The following EPHA4 variants were observed in gnomAD, a reference collection of about 807,000 sequenced individuals.
EPHA4 encodes the protein ephrin type-A receptor 4.
Under a neutral mutation model 108.3 loss-of-function variants are expected in EPHA4, and 19 were observed. The observed-to-expected ratio is 0.18, with a 90% CI of 0.12 to 0.26. EPHA4 has a LOEUF of 0.26. Ranked by LOEUF, EPHA4 falls within the 10% of genes least tolerant of loss-of-function variation. EPHA4 has a pLI of 1.00. For missense variants in EPHA4, 917 were observed against 1,254.0 expected, an observed-to-expected ratio of 0.73 and a Z score of 4.06; for synonymous variants, 449 against 455.5, an observed-to-expected ratio of 0.99 and a Z score of 0.18.
chr2:221,486,897 T>G (rs1691991989), intron 4 of EPHA4, among the ~76,000 whole-genome samples: 1 of 152,124 alleles, frequency 6.6e-6, no homozygotes, highest in African/African-American at 2.4e-5. Context: ...ATGCATCTTA[T>G]ACCCAGTGTT....
intron 3 of EPHA4, among the ~76,000 whole-genome samples, chr2:221,561,059 G>A (rs977347798): frequency 2.0e-5 from 3 of 152,092 alleles, no homozygotes; most frequent in Non-Finnish European, 2.9e-5. Flanking sequence ...TGGCTAACAC[G>A]GTGAAACCCC....
intron 15 of EPHA4, 55 bp from the exon 16 acceptor site, chr2:221,426,674 G>A (rs955673831): frequency 7.2e-6 from 11 of 1,517,244 alleles, no homozygotes; most frequent in Non-Finnish European, 9.8e-6. Context: ...GAGACAAGAA[G>A]ACTCAGAAAT....
At chr2:221,510,176 C>T (rs1485181990) in intron 3 of EPHA4, among the ~76,000 whole-genome samples, 2 of 152,180 alleles carry the variant, frequency 1.3e-5, no homozygotes, top group Non-Finnish European at 2.9e-5. Flanking sequence ...ATTTCTAAAA[C>T]ACTATGGGAT....
intron 17 of EPHA4, among the ~76,000 whole-genome samples, chr2:221,420,778 G>A (rs531376049): frequency 6.6e-6 from 1 of 152,164 alleles, no homozygotes; most frequent in Admixed American, 6.5e-5. Flanking sequence ...CTCCGAGATA[G>A]GTACTATTCT....
At chr2:221,559,000 C>G (rs951239189) in intron 3 of EPHA4, among the ~76,000 whole-genome samples, 1 of 152,078 alleles carries the variant, frequency 6.6e-6, no homozygotes, top group Admixed American at 6.6e-5. Flanking sequence ...TTACTTCTTT[C>G]TCCTAAGCTC....
At chr2:221,470,636 A>C in intron 5 of EPHA4, among the ~76,000 whole-genome samples, 1 of 135,278 alleles carries the variant, frequency 7.4e-6, no homozygotes. Flanking sequence ...GTATCACTTT[A>C]GGGAACCTTT....
chr2:221,551,864 C>T (rs1419072715), intron 3 of EPHA4, among the ~76,000 whole-genome samples: 2 of 151,934 alleles, frequency 1.3e-5, no homozygotes, highest in African/African-American at 4.8e-5. Context: ...AACAACCACA[C>T]TCTTACCTTG....
chr2:221,531,482 C>A (rs1003504301), intron 3 of EPHA4, among the ~76,000 whole-genome samples: 2 of 151,898 alleles, frequency 1.3e-5, no homozygotes, highest in African/African-American at 2.4e-5. Context: ...TCATAGTAAT[C>A]ACAAATGGAA....
chr2:221,469,974 T>C (rs1691429804), intron 5 of EPHA4, among the ~76,000 whole-genome samples: 1 of 152,206 alleles, frequency 6.6e-6, no homozygotes, highest in Non-Finnish European at 1.5e-5. Context: ...CTCTTTAGCA[T>C]TGTTACCAGC....
intron 17 of EPHA4, among the ~76,000 whole-genome samples, chr2:221,423,831 G>A (rs564492969): frequency 6.6e-6 from 1 of 152,068 alleles, no homozygotes; most frequent in African/African-American, 2.4e-5. Context: ...AAAATACAAT[G>A]CCACCTGGGC....
intron 8 of EPHA4, among the ~76,000 whole-genome samples, chr2:221,454,251 T>G (rs1019333432): frequency 6.7e-6 from 1 of 149,642 alleles, no homozygotes; most frequent in Non-Finnish European, 1.5e-5. Context: ...GATTATATGG[T>G]CACCACTCTA....
In EPHA4 at chr2:221,564,207, C is replaced by G; in HGVS notation, c.347G>C (p.Gly116Ala). 6.2e-7 allele frequency: 1 copy of G among 1,614,082 alleles called. No individual in the cohort carries two copies. The highest frequency in any genetic ancestry group is 1.1e-5 in the South Asian group (1 of 91,062). ...RDCNSLPGVM[G>A]TCKETFNLYY... ...CAGGTTAAACGTCTCCTTGCAAGTC[C>G]CCATGACGCCCGGAAGACTATTGCA... Residue 116 changes from glycine to alanine, a missense_variant, in exon 3 of 18, where the codon GGG becomes GCG. By Grantham distance (60) the Gly-to-Ala change is moderately conservative (BLOSUM62 0). Around this residue, in one of 3 missense-constraint regions of EPHA4, gnomAD observed 758 missense variants for 1,076.7 expected, o/e 0.70. Transcript: ENST00000281821.
At chr2:221,444,744 C>CT (rs71266317) in intron 9 of EPHA4, among the ~76,000 whole-genome samples, 19,557 of 74,830 alleles carry the variant, frequency 0.26, 5,457 homozygotes, top group Non-Finnish European at 0.33. Context: ...TTTTTTCTAT[C>CT]TTTTTTTTTT....
chr2:221,515,694 G>A (rs934550596), intron 3 of EPHA4, among the ~76,000 whole-genome samples: 1 of 152,058 alleles, frequency 6.6e-6, no homozygotes, highest in African/African-American at 2.4e-5. Flanking sequence ...GCATGCACCT[G>A]TAGTCCCAGC....
intron 3 of EPHA4, among the ~76,000 whole-genome samples, chr2:221,523,876 G>A (rs915375014): frequency 1.1e-4 from 16 of 152,256 alleles, no homozygotes; most frequent in South Asian, 4.1e-4. Flanking sequence ...ATGAGCCACC[G>A]TGCCCGGCCC....
intron 3 of EPHA4, among the ~76,000 whole-genome samples, chr2:221,544,439 C>A (rs1693925588): frequency 6.6e-6 from 1 of 152,182 alleles, no homozygotes; most frequent in African/African-American, 2.4e-5. Context: ...AATTCTCCTG[C>A]CTCAGCCTCC....
At chr2:221,466,660 T>C (rs367626936) in intron 5 of EPHA4, among the ~76,000 whole-genome samples, 27 of 152,318 alleles carry the variant, frequency 1.8e-4, no homozygotes, top group African/African-American at 5.8e-4. Context: ...GTGCTGAGCA[T>C]TGTTCTAAAT....
Position 221,459,262 on chromosome 2 carries a change from C to A in EPHA4, c.1319-1272G>T, listed in dbSNP as rs190535228. Among the ~76,000 whole-genome samples, 3 of 151,912 alleles carry A rather than the reference C, an allele frequency of 2.0e-5. No individual in the cohort carries two copies. The East Asian group carries it at 5.8e-4, about 30-fold the overall frequency. On this transcript the variant is annotated intron_variant, in intron 5 of 17. Transcript: ENST00000281821. ...TGGAGGGGGTTATTTGACAGCCCAG[C>A]ATCTCTGTTAGGGATGGTAACAGGC... is the stretch of plus-strand genomic sequence containing the variant.
At chr2:221,569,632 A>T (rs1429320365) in intron 1 of EPHA4, among the ~76,000 whole-genome samples, 2 of 152,008 alleles carry the variant, frequency 1.3e-5, no homozygotes, top group Non-Finnish European at 2.9e-5. Context: ...AAGGGACGCA[A>T]TGAATTCAAA....
Sources: allele counts gnomAD v4.1 joint callset (sites outside exome capture counted in the v4.1 genomes callset), GRCh38; gene constraint gnomAD v4.1.1; regional missense constraint gnomAD v4.1.1; transcripts MANE v1.5; gene names NCBI Gene and HGNC (gene_info 2026-07-23, HGNC 2026-07-21).